WDR59: variants seen among roughly 807,000 people sequenced by gnomAD.
WDR59 encodes WD repeat domain 59, also known as GATOR2 complex protein WDR59.
In WDR59, 100 loss-of-function variants were observed where a neutral mutation model predicts 131.2. That is an observed-to-expected ratio of 0.76 (90% CI 0.65 to 0.90). WDR59 has a LOEUF of 0.90. WDR59 is among the 40% of genes least tolerant of loss of function. The pLI, the probability that WDR59 is intolerant of heterozygous loss-of-function variation, is 0.00. For missense variants in WDR59, 1,203 were observed against 1,262.2 expected (o/e 0.95, Z 0.71); for synonymous variants, 601 against 466.2 (o/e 1.29, Z -3.72).
At chr16:74,941,554 C>T (rs569849816) in intron 7 of WDR59, among the ~76,000 whole-genome samples, 13 of 151,562 alleles carry the variant, frequency 8.6e-5, no homozygotes, top group African/African-American at 1.2e-4. Flanking sequence ...ATTAGCTGGG[C>T]GTGGTGGTGT....
At chr16:74,984,905 G>A in intron 1 of WDR59, 59 bp downstream of exon 1, 4 of 1,578,872 alleles carry the variant, frequency 2.5e-6, no homozygotes, top group South Asian at 1.2e-5. Context: ...GCAGCCGCGT[G>A]GGGGAGGGGA....
intron 2 of WDR59, among the ~76,000 whole-genome samples, chr16:74,964,080 G>A (rs1451090346): frequency 2.0e-5 from 3 of 151,906 alleles, no homozygotes; most frequent in Non-Finnish European, 1.5e-5. Context: ...AGATCATGTT[G>A]AAAAATAGTA....
At chr16:74,958,256 G>A (rs76775879) in intron 2 of WDR59, among the ~76,000 whole-genome samples, 3 of 152,032 alleles carry the variant, frequency 2.0e-5, no homozygotes, top group African/African-American at 7.2e-5. Flanking sequence ...AAATGAGACA[G>A]GAAATGAAAA....
chr16:74,952,460 A>G (rs2033060715), intron 3 of WDR59, among the ~76,000 whole-genome samples: 1 of 150,310 alleles, frequency 6.7e-6, no homozygotes, highest in East Asian at 1.9e-4. Flanking sequence ...AAAAAAAAAA[A>G]AAAAAAGAAA....
At chr16:74,958,773 A>T (rs2033427442) in intron 2 of WDR59, among the ~76,000 whole-genome samples, 2 of 151,876 alleles carry the variant, frequency 1.3e-5, no homozygotes, top group African/African-American at 4.8e-5. Context: ...TTGAAAGACC[A>T]CTAAGGAGGC....
chr16:74,886,176 C>CA (rs1381337512), intron 24 of WDR59, 94 bp downstream of exon 24: 1 of 1,032,822 alleles, frequency 9.7e-7, no homozygotes, highest in Admixed American at 2.5e-5. Flanking sequence ...GATTCTGTGT[C>CA]CAAAAAAAAA....
intron 18 of WDR59, among the ~76,000 whole-genome samples, chr16:74,898,850 G>A (rs1217309434): frequency 6.6e-6 from 1 of 152,228 alleles, no homozygotes; most frequent in Non-Finnish European, 1.5e-5. Flanking sequence ...GGGTTGGCTG[G>A]GACAGGCTTT....
intron 8 of WDR59, 84 bp downstream of exon 8, chr16:74,938,066 G>T: frequency 1.1e-6 from 1 of 948,276 alleles, no homozygotes; most frequent in Non-Finnish European, 1.5e-6. Context: ...CTAACACACT[G>T]CAGCTTTCCA....
chr16:74,956,502 G>A lies in WDR59; in HGVS notation c.213C>T (p.Asp71=), dbSNP rs200405236. The A allele has an allele frequency of 2.3e-5, 37 of 1,613,980 alleles. No homozygotes were observed. The Middle Eastern group carries it at 1.3e-3, about 57-fold the overall frequency. Residue 71 remains aspartate (D), a synonymous_variant, in exon 3 of 26, where the codon GAC becomes GAT. Coordinates refer to ENST00000262144, the MANE Select transcript of WDR59 (RefSeq NM_030581.4). The part of the protein sequence containing the change: ...DIGAVQWNPH[D]SFAHYFAASS... Reference sequence around the variant, plus strand: ...AAGCCGCAAAATAGTGTGCAAAGCTGTCATGAGGATTCCACTGCACAGCTC... The same window carrying A: ...AAGCCGCAAAATAGTGTGCAAAGCTATCATGAGGATTCCACTGCACAGCTC...
At chr16:74,959,551 C>G in intron 2 of WDR59, 1 of 453,172 alleles carries the variant, frequency 2.2e-6, no homozygotes, top group Admixed American at 2.4e-5. Flanking sequence ...TCGCTTGAGG[C>G]CCGGAGTTAA....
chr16:74,961,823 G>C (rs1166582057), intron 2 of WDR59, among the ~76,000 whole-genome samples: 2 of 152,070 alleles, frequency 1.3e-5, no homozygotes, highest in Admixed American at 6.6e-5. Context: ...TTTTGCTCTT[G>C]TTGCAATTGC....
chr16:74,930,955 G>C (rs11862983), intron 8 of WDR59, among the ~76,000 whole-genome samples: 3 of 147,626 alleles, frequency 2.0e-5, no homozygotes, highest in Non-Finnish European at 4.4e-5. Flanking sequence ...GTAATGTCTC[G>C]GAGCAAGACT....
At chr16:74,891,046 A>G (rs1456575379) in intron 20 of WDR59, among the ~76,000 whole-genome samples, 2 of 150,636 alleles carry the variant, frequency 1.3e-5, no homozygotes, top group Admixed American at 1.3e-4. Flanking sequence ...CCTGGGAGGC[A>G]GAGGTTGCAG....
At chr16:74,936,747 A>T (rs2031831306) in intron 8 of WDR59, among the ~76,000 whole-genome samples, 2 of 151,854 alleles carry the variant, frequency 1.3e-5, no homozygotes, top group South Asian at 4.2e-4. Context: ...AATCGCTTGA[A>T]CCCAGGAGCG....
chr16:74,879,748 T>C lies in WDR59; in HGVS notation c.2690-5304A>G, dbSNP rs569462280. 9.2e-5 allele frequency among the ~76,000 whole-genome samples: 14 copies of C among 152,256 alleles called. 1 individual carries two copies. The South Asian group carries it at 2.9e-3, about 32-fold the overall frequency. On this transcript the variant is annotated intron_variant, in intron 25 of 25. Transcript: ENST00000262144. ...AGATCTTAATATAGATTATAAGATA[T>C]CAAATCACCAGGAAAACCTTAGAAC...
chr16:74,944,913 C>G lies in WDR59; in HGVS notation c.446-2087G>C, dbSNP rs191259462. The stretch of plus-strand genomic sequence containing the variant: ...GGCCGAGGCAGGTAGGCCACAAAGT[C>G]AGGAGTTAGAGACCAGCCTGGCCAA... On this transcript the variant is annotated intron_variant, in intron 6 of 25. Transcript: ENST00000262144. Among the ~76,000 whole-genome samples, 199 of 152,190 alleles carry G rather than the reference C, an allele frequency of 1.3e-3. 2 individuals carry two copies. Among genetic ancestry groups the G allele is most frequent in the Non-Finnish European group, 2.3e-3 (157 of 68,002 alleles).
rs1964853763 is a variant in WDR59, at chr16:74,888,063, A to G, written c.2346+106T>C. 3.6e-6 allele frequency: 5 copies of G among 1,378,272 alleles called. No individual in the cohort carries two copies. In the East Asian group the frequency reaches 1.2e-4, roughly 34 times the overall value. 85.4% of individuals were successfully genotyped at this position (1,378,272 alleles called of 1,614,324 possible). On this transcript the variant is annotated intron_variant, in intron 22 of 25. Coordinates refer to ENST00000262144, the MANE Select transcript of WDR59 (RefSeq NM_030581.4). ...AACCCAGGAGGCGGAGGTTGCAGTG[A>G]GCTGAGATCATGCCATTGCACTCCA...
At chr16:74,980,349 T>C (rs1441855054) in intron 1 of WDR59, among the ~76,000 whole-genome samples, 3 of 150,902 alleles carry the variant, frequency 2.0e-5, no homozygotes, top group African/African-American at 7.3e-5. Context: ...CTCTGAAAAA[T>C]CTAAGTCTTT....
At chr16:74,903,790 C>T (rs1243260989) in intron 18 of WDR59, among the ~76,000 whole-genome samples, 157 bp downstream of exon 18, 1 of 152,178 alleles carries the variant, frequency 6.6e-6, no homozygotes, top group Non-Finnish European at 1.5e-5. Context: ...GTAAAACCAA[C>T]TGAAAGGAAC....
Sources: gnomAD v4.1 joint callset for allele counts (sites outside exome capture counted in the v4.1 genomes callset) on GRCh38, gnomAD v4.1.1 for gene constraint, MANE v1.5 for transcripts, NCBI Gene and HGNC (gene_info 2026-07-23, HGNC 2026-07-21) for gene names.